KIRREL3: variants seen among roughly 807,000 people sequenced by gnomAD.
KIRREL3 encodes the protein kin of IRRE-like protein 3.
Under a neutral mutation model 89.7 loss-of-function variants are expected in KIRREL3, and 36 were observed. The observed-to-expected ratio is 0.40, with a 90% CI of 0.31 to 0.53. KIRREL3 has a LOEUF of 0.53. KIRREL3 is among the 20% of genes least tolerant of loss of function. The pLI is 0.49. For missense variants in KIRREL3, 864 were observed against 1,056.6 expected (o/e 0.82, Z 2.53); for synonymous variants, 445 against 441.4 (o/e 1.01, Z -0.10).
intron 2 of KIRREL3, among the ~76,000 whole-genome samples, chr11:126,552,585 A>G (rs1223318545): frequency 4.1e-5 from 2 of 48,300 alleles, no homozygotes; most frequent in Middle Eastern, 0.019. Flanking sequence ...TTTTTTTGAG[A>G]CAGAGTTTTG....
At position 126,615,464 on chromosome 11, in the gene KIRREL3, A is replaced by G. The variant is rs909539860; in HGVS notation, c.56-52552T>C. Among the ~76,000 whole-genome samples the G allele has an allele frequency of 6.6e-6, 1 of 152,204 alleles. No homozygotes were observed. The highest frequency in any genetic ancestry group is 1.5e-5 in the Non-Finnish European group (1 of 68,040). On this transcript the variant is annotated intron_variant, in intron 1 of 16. Coordinates refer to ENST00000525144, the MANE Select transcript of KIRREL3 (RefSeq NM_032531.4). The surrounding 1 kb of genome is among the most constrained non-coding windows in gnomAD (Gnocchi z 5.4). The stretch of plus-strand genomic sequence containing the variant: ...GCTTTGGGAGGTTAAGGAATGGGCA[A>G]AATCACAGCCAGTAGGTAGCAGAGG...
intron 4 of KIRREL3, among the ~76,000 whole-genome samples, chr11:126,473,749 C>A (rs1956993147): frequency 1.3e-5 from 2 of 152,148 alleles, no homozygotes; most frequent in South Asian, 4.2e-4. Context: ...ACTCCCAGAC[C>A]CAGAAGCAGA....
intron 1 of KIRREL3, among the ~76,000 whole-genome samples, chr11:126,621,626 AT>A (rs1352647039): frequency 3.3e-5 from 5 of 151,948 alleles, no homozygotes; most frequent in African/African-American, 7.3e-5. Context: ...CCTAATGTGC[AT>A]TTTTTTTAAT....
At position 126,708,092 on chromosome 11, in the gene KIRREL3, G is replaced by A. The variant is rs1385658646; in HGVS notation, c.56-145180C>T. On this transcript the variant is annotated intron_variant, in intron 1 of 16. Transcript: ENST00000525144. The surrounding 1 kb of genome is among the most constrained non-coding windows in gnomAD (Gnocchi z 5.7). ...ATAGGTCCCAGGGTATCCGTGCCCC[G>A]TTTGATCAGAAAGAAACACACCCAA... Among the ~76,000 whole-genome samples, 4 of 152,062 alleles carry A rather than the reference G, an allele frequency of 2.6e-5. No homozygotes were observed. The highest frequency in any genetic ancestry group is 4.1e-4 in the South Asian group (2 of 4,824).
At chr11:126,478,699 ATG>A (rs950291386) in intron 4 of KIRREL3, among the ~76,000 whole-genome samples, 3 of 152,072 alleles carry the variant, frequency 2.0e-5, no homozygotes, top group African/African-American at 7.2e-5. Context: ...GTAGATGTAC[ATG>A]TGTGTATACA....
intron 1 of KIRREL3, among the ~76,000 whole-genome samples, chr11:126,730,240 T>G (rs995914645): frequency 6.6e-6 from 1 of 152,228 alleles, no homozygotes; most frequent in Non-Finnish European, 1.5e-5. Flanking sequence ...CCCATCCACA[T>G]GGGGGCCCAC....
At position 126,495,707 on chromosome 11, in the gene KIRREL3, A is replaced by T. The variant is rs1034832584; in HGVS notation, c.434-22241T>A. ...CATGGAGGAGGAGGGGCACTCAGAG[A>T]TTCACCTGCCCTCTCTGAGCCCATG... On this transcript the variant is annotated intron_variant, in intron 4 of 16. Transcript: ENST00000525144. This position sits in a 1 kb window ranked among gnomAD's most constrained non-coding sequence, Gnocchi z 6.5. 3.9e-5 allele frequency among the ~76,000 whole-genome samples: 6 copies of T among 151,948 alleles called. No individual in the cohort carries two copies. The highest frequency in any genetic ancestry group is 1.5e-4 in the African/African-American group (6 of 41,344).
intron 7 of KIRREL3, among the ~76,000 whole-genome samples, chr11:126,451,329 A>AGTGTGTGCATGT (rs1255096640): frequency 6.4e-4 from 30 of 46,574 alleles, no homozygotes; most frequent in African/African-American, 2.1e-3. Context: ...TGTGTGCATT[A>AGTGTGTGCATGT]GTGAGTGTGT....
chr11:126,784,275 C>T (rs913632433), intron 1 of KIRREL3, among the ~76,000 whole-genome samples: 17 of 152,268 alleles, frequency 1.1e-4, no homozygotes, highest in African/African-American at 3.6e-4. Context: ...AACAAATGTA[C>T]CATACTAATG....
At position 126,423,390 on chromosome 11, in the gene KIRREL3, A is replaced by G. The variant is rs752805; in HGVS notation, c.*1190T>C. The stretch of plus-strand genomic sequence containing the variant: ...TATCAACTGCCTTTATTGTCTAGGA[A>G]GATTGAATCAAAGGAGGGCAGAGAA... On this transcript the variant is annotated 3_prime_UTR_variant, in exon 17 of 17. Coordinates refer to ENST00000525144, the MANE Select transcript of KIRREL3 (RefSeq NM_032531.4). The G allele has an allele frequency of 6.6e-6, 1 of 151,922 alleles. No individual in the cohort carries two copies. The highest frequency in any genetic ancestry group is 1.5e-5 in the Non-Finnish European group (1 of 67,994). The allele number at this position is 151,922 out of a possible 1,614,324, so 9.4% of individuals were successfully genotyped here.
intron 1 of KIRREL3, among the ~76,000 whole-genome samples, chr11:126,836,006 T>C (rs113692149): frequency 0.013 from 2,047 of 152,270 alleles, 48 homozygotes; most frequent in African/African-American, 0.047. Flanking sequence ...TTGTTACACA[T>C]TGATACCAGG....
Position 126,742,811 on chromosome 11 carries a change from C to T in KIRREL3, c.56-179899G>A, listed in dbSNP as rs1565695093. ...TTATTGATCAACAACTTTGCCACAT[C>T]ACTGGCACATTCGTTGCTGGGCAAC... is the stretch of plus-strand genomic sequence containing the variant. On this transcript the variant is annotated intron_variant, in intron 1 of 16. Transcript: ENST00000525144. This position sits in a 1 kb window ranked among gnomAD's most constrained non-coding sequence, Gnocchi z 5.3. Among the ~76,000 whole-genome samples, 1 of 152,248 alleles carries T rather than the reference C, an allele frequency of 6.6e-6. No homozygotes were observed. The highest frequency in any genetic ancestry group is 1.5e-5 in the Non-Finnish European group (1 of 68,046).
Position 126,608,578 on chromosome 11 carries a change from A to T in KIRREL3, c.56-45666T>A, listed in dbSNP as rs141903400. ...CCCTCCCCAAATGGCTCCCTTAATC[A>T]CGAGCTGCTTTCTTCTGAGCTCAAT... On this transcript the variant is annotated intron_variant, in intron 1 of 16. Coordinates refer to ENST00000525144, the MANE Select transcript of KIRREL3 (RefSeq NM_032531.4). The surrounding 1 kb of genome is among the most constrained non-coding windows in gnomAD (Gnocchi z 4.9). 1.6e-4 allele frequency among the ~76,000 whole-genome samples: 24 copies of T among 151,856 alleles called. No homozygotes were observed. Among genetic ancestry groups the T allele is most frequent in the African/African-American group, 5.8e-4 (24 of 41,304 alleles).
rs1938674253 is a variant in KIRREL3 at position 126,544,892 on chromosome 11, C to T, written c.133+17943G>A. On this transcript the variant is annotated intron_variant, in intron 2 of 16. Transcript: ENST00000525144. The surrounding 1 kb of genome is among the most constrained non-coding windows in gnomAD (Gnocchi z 5.6). ...CATGCACTGTCTAAACTCCTCTAACCTATTTAGGCCACAGAGAGGGGAGAA... is the reference window on the plus strand; with the variant it reads ...CATGCACTGTCTAAACTCCTCTAACTTATTTAGGCCACAGAGAGGGGAGAA... 6.6e-6 allele frequency among the ~76,000 whole-genome samples: 1 copy of T among 152,136 alleles called. No individual in the cohort carries two copies. Among genetic ancestry groups the T allele is most frequent in the Admixed American group, 6.5e-5 (1 of 15,278 alleles).
Position 126,455,513 on chromosome 11 carries a change from G to T in KIRREL3, c.848+836C>A, listed in dbSNP as rs1956306226. 6.6e-6 allele frequency among the ~76,000 whole-genome samples: 1 copy of T among 152,180 alleles called. No homozygotes were observed. Among genetic ancestry groups the T allele is most frequent in the East Asian group, 1.9e-4 (1 of 5,192 alleles). On this transcript the variant is annotated intron_variant, in intron 7 of 16. Transcript: ENST00000525144. This position sits in a 1 kb window ranked among gnomAD's most constrained non-coding sequence, Gnocchi z 6.4. ...ACAAAAACAGTGATGCTTTGGCCGGGTGCGGTGGCTCATGCCTGTAATCCC... is the reference window on the plus strand; with the variant it reads ...ACAAAAACAGTGATGCTTTGGCCGGTTGCGGTGGCTCATGCCTGTAATCCC...
chr11:126,740,044 G>A lies in KIRREL3; in HGVS notation c.56-177132C>T, dbSNP rs991261399. ...GGAGGGAGGGGGCAGAGAAAGAAAGGAAGAAAGAAAGAAACAGCTGATTTA... is the reference window on the plus strand; with the variant it reads ...GGAGGGAGGGGGCAGAGAAAGAAAGAAAGAAAGAAAGAAACAGCTGATTTA... On this transcript the variant is annotated intron_variant, in intron 1 of 16. Transcript: ENST00000525144. The surrounding 1 kb of genome is among the most constrained non-coding windows in gnomAD (Gnocchi z 6.0). Among the ~76,000 whole-genome samples the A allele has an allele frequency of 6.6e-6, 1 of 152,136 alleles. No homozygotes were observed. The highest frequency in any genetic ancestry group is 1.5e-5 in the Non-Finnish European group (1 of 68,020).
intron 7 of KIRREL3, among the ~76,000 whole-genome samples, chr11:126,451,081 GTGTGTGCATATGTGTCCATGTGCA>G (rs1956095973): frequency 6.8e-6 from 1 of 148,046 alleles, no homozygotes; most frequent in Admixed American, 6.8e-5. Context: ...ATGTGTGTGC[GTGTGTGCATATGTGTCCATGTGCA>G]TGTGTGCATG....
intron 1 of KIRREL3, among the ~76,000 whole-genome samples, chr11:126,586,378 A>G (rs946109058): frequency 6.6e-6 from 1 of 152,124 alleles, no homozygotes; most frequent in South Asian, 2.1e-4. Flanking sequence ...ACCTTCAAGT[A>G]CGAAGCGGTC....
At position 126,622,356 on chromosome 11, in the gene KIRREL3, A is replaced by G. The variant is rs531300726; in HGVS notation, c.56-59444T>C. ...ATCCCCATTCTCTGGATTTGGGGTCATTCTCTTGCCTTGGAGTCTGGAGGG... is the reference window on the plus strand; with the variant it reads ...ATCCCCATTCTCTGGATTTGGGGTCGTTCTCTTGCCTTGGAGTCTGGAGGG... On this transcript the variant is annotated intron_variant, in intron 1 of 16. Coordinates refer to ENST00000525144, the MANE Select transcript of KIRREL3 (RefSeq NM_032531.4). The surrounding 1 kb of genome is among the most constrained non-coding windows in gnomAD (Gnocchi z 5.2). 2.6e-4 allele frequency among the ~76,000 whole-genome samples: 40 copies of G among 152,190 alleles called. No individual in the cohort carries two copies. The highest frequency in any genetic ancestry group is 4.1e-4 in the Non-Finnish European group (28 of 68,028).
Sources: allele counts gnomAD v4.1 joint callset (sites outside exome capture counted in the v4.1 genomes callset), GRCh38; gene constraint gnomAD v4.1.1; non-coding constraint Gnocchi (gnomAD v3.1); transcripts MANE v1.5; gene names NCBI Gene and HGNC (gene_info 2026-07-23, HGNC 2026-07-21).